BMPR2: variants seen among roughly 807,000 people sequenced by gnomAD.
BMPR2 encodes the protein bone morphogenetic protein receptor type 2, also known as bone morphogenetic protein receptor type-2.
BMPR2 carries 29 observed loss-of-function variants against 100.8 expected under a neutral mutation model. That is an observed-to-expected ratio of 0.29 (90% CI 0.21 to 0.39). BMPR2 has a LOEUF of 0.39. Ranked by LOEUF, BMPR2 falls within the 10% of genes least tolerant of loss-of-function variation. The probability of loss-of-function intolerance (pLI) is 1.00; values close to 1 mark genes in which losing one functional copy is unlikely to be tolerated. For missense variants in BMPR2, 1,011 were observed against 1,274.5 expected, an observed-to-expected ratio of 0.79 and a Z score of 3.15; for synonymous variants, 382 against 442.3, an observed-to-expected ratio of 0.86 and a Z score of 1.71.
chr2:202,418,587 C>A (rs1469459961), intron 1 of BMPR2, among the ~76,000 whole-genome samples: 1 of 152,124 alleles, frequency 6.6e-6, no homozygotes, highest in Non-Finnish European at 1.5e-5. Flanking sequence ...CCAGTCAACA[C>A]ATGTAAGGTG....
intron 1 of BMPR2, among the ~76,000 whole-genome samples, chr2:202,377,961 A>C (rs889074097): frequency 1.3e-5 from 2 of 152,204 alleles, no homozygotes; most frequent in Non-Finnish European, 2.9e-5. Context: ...GCTTATAGTA[A>C]AAAGAACATC....
At chr2:202,511,708 T>G (rs1687628628) in intron 3 of BMPR2, among the ~76,000 whole-genome samples, 1 of 152,098 alleles carries the variant, frequency 6.6e-6, no homozygotes, top group Admixed American at 6.6e-5. Flanking sequence ...ATGATCAATG[T>G]GTTAAAATCT....
chr2:202,557,516 A>AC (rs1559074821), intron 12 of BMPR2, among the ~76,000 whole-genome samples: 13 of 112,498 alleles, frequency 1.2e-4, no homozygotes, highest in South Asian at 2.9e-4. Context: ...CACACACACA[A>AC]ATTAGCTGGG....
In BMPR2 at chr2:202,476,114, T is replaced by C. The variant is rs1051615849; in HGVS notation, c.418+8425T>C. 2.0e-5 allele frequency among the ~76,000 whole-genome samples: 3 copies of C among 146,672 alleles called. No homozygotes were observed. In the Admixed American group the frequency reaches 2.1e-4, roughly 10 times the overall value. ...AAAAAAAAAAAAAAAAAAATCTAAG[T>C]CCCAAGCATGTATGGTGGAATTGAC... On this transcript the variant is annotated intron_variant, in intron 3 of 12. Transcript: ENST00000374580.
intron 1 of BMPR2, 86 bp downstream of exon 1, chr2:202,377,636 C>T (rs750675324): frequency 8.0e-6 from 12 of 1,494,070 alleles, no homozygotes; most frequent in Non-Finnish European, 1.0e-5. Flanking sequence ...CCTGTGCTTG[C>T]CCTTCGCCAT....
chr2:202,424,070 C>CAAAA (rs773518674), intron 1 of BMPR2, among the ~76,000 whole-genome samples: 3 of 58,754 alleles, frequency 5.1e-5, no homozygotes, highest in East Asian at 5.0e-4. Context: ...AAGACTGTCT[C>CAAAA]AAAAAAAAAA....
At chr2:202,502,234 GTTA>G (rs1444030368) in intron 3 of BMPR2, among the ~76,000 whole-genome samples, 1 of 152,190 alleles carries the variant, frequency 6.6e-6, no homozygotes, top group African/African-American at 2.4e-5. Flanking sequence ...AAATTATAGA[GTTA>G]TTGCACACAA....
In BMPR2 at chr2:202,377,227, G is replaced by A. The variant is rs1384966013; in HGVS notation, c.-248G>A. 6.6e-6 allele frequency: 4 copies of A among 605,742 alleles called. No individual in the cohort carries two copies. The highest frequency in any genetic ancestry group is 1.2e-5 in the Non-Finnish European group (4 of 337,270). 37.5% of individuals were successfully genotyped at this position (605,742 alleles called of 1,614,324 possible). ...CCACAGACATGCCTTCCGTTTGGAG[G>A]GCCGCGGCACCCCGTCCGAGGCGAA... is the stretch of plus-strand genomic sequence containing the variant. On this transcript the variant is annotated 5_prime_UTR_variant, in exon 1 of 13. Coordinates refer to ENST00000374580, the MANE Select transcript of BMPR2 (RefSeq NM_001204.7).
intron 3 of BMPR2, among the ~76,000 whole-genome samples, chr2:202,477,424 G>A (rs553644172): frequency 6.6e-6 from 1 of 151,610 alleles, no homozygotes; most frequent in African/African-American, 2.4e-5. Flanking sequence ...TATGATATTT[G>A]TTGTTTCCTA....
Position 202,520,194 on chromosome 2 carries a change from A to G in BMPR2, c.960A>G (p.Pro320=). 6.2e-7 allele frequency: 1 copy of G among 1,608,234 alleles called. No individual in the cohort carries two copies. The highest frequency in any genetic ancestry group is 8.5e-7 in the Non-Finnish European group (1 of 1,174,722). ...RGLAYLHTEL[P]RGDHYKPAIS... ...TGGCTTATCTTCACACAGAATTACC[A>G]CGAGGAGGTAAGATAGTCAATAGAT... The change falls in exon 7 of 13, where the codon CCA becomes CCG. Residue 320 remains proline (P), a synonymous_variant. Coordinates refer to ENST00000374580, the MANE Select transcript of BMPR2 (RefSeq NM_001204.7).
At chr2:202,488,018 C>T (rs1005197208) in intron 3 of BMPR2, among the ~76,000 whole-genome samples, 9 of 152,158 alleles carry the variant, frequency 5.9e-5, no homozygotes, top group African/African-American at 2.2e-4. Flanking sequence ...CTGCGCCCAG[C>T]CTATTTCCAG....
chr2:202,381,919 C>A (rs1177074931), intron 1 of BMPR2, among the ~76,000 whole-genome samples: 2 of 151,470 alleles, frequency 1.3e-5, no homozygotes, highest in Non-Finnish European at 2.9e-5. Context: ...GAATATTGAT[C>A]TCTAATGGGT....
At chr2:202,392,718 C>T (rs773308706) in intron 1 of BMPR2, among the ~76,000 whole-genome samples, 2 of 151,468 alleles carry the variant, frequency 1.3e-5, no homozygotes, top group Admixed American at 6.6e-5. Flanking sequence ...TCTGGCCGGG[C>T]GCGGTGGCTC....
rs138448612 is a variant in BMPR2 at position 202,509,616 on chromosome 2, A to G, written c.419-4103A>G. On this transcript the variant is annotated intron_variant, in intron 3 of 12. Coordinates refer to ENST00000374580, the MANE Select transcript of BMPR2 (RefSeq NM_001204.7). ...CAAATGTACTAATTCTGTGCTTTTT[A>G]TGTACAACTTTTGGTTTTTCAGGTT... Among the ~76,000 whole-genome samples, 542 of 151,954 alleles carry G rather than the reference A, an allele frequency of 3.6e-3. 4 individuals carry two copies. Among genetic ancestry groups the G allele is most frequent in the African/African-American group, 0.012 (511 of 41,568 alleles).
chr2:202,376,511 A>AGGCGGCGGCGGCGGCGGC lies in BMPR2; in HGVS notation c.-945_-928dup, dbSNP rs375624016. Among the ~76,000 whole-genome samples, 125 of 125,852 alleles carry AGGCGGCGGCGGCGGCGGC rather than the reference A, an allele frequency of 9.9e-4. 1 individual carries two copies. The highest frequency in any genetic ancestry group is 3.8e-3 in the Middle Eastern group (1 of 260). The allele number at this position is 125,852 out of a possible 152,430, so 82.6% of individuals were successfully genotyped here. On this transcript the variant is annotated 5_prime_UTR_variant, in exon 1 of 13. Coordinates refer to ENST00000374580, the MANE Select transcript of BMPR2 (RefSeq NM_001204.7). ...AGGAGCCCAGAGCTGCGGGAGAACGAGGCGGCGGCGGCGGCGGCGGCGGCG... is the reference window on the plus strand; with the variant it reads ...AGGAGCCCAGAGCTGCGGGAGAACGAGGCGGCGGCGGCGGCGGCGGCGGCGGCGGCGGCGGCGGCGGCG...
At chr2:202,526,526 T>C (rs932012728) in intron 7 of BMPR2, among the ~76,000 whole-genome samples, 2 of 152,380 alleles carry the variant, frequency 1.3e-5, no homozygotes, top group South Asian at 4.1e-4. Flanking sequence ...AAGTATTGCC[T>C]GTGTCAGCAA....
intron 1 of BMPR2, among the ~76,000 whole-genome samples, chr2:202,458,212 C>T (rs933768464): frequency 1.4e-5 from 2 of 138,936 alleles, no homozygotes; most frequent in Non-Finnish European, 1.5e-5. Flanking sequence ...TTCCGGAGGC[C>T]AAGGCAGGAG....
rs529796261 is a variant in BMPR2, at chr2:202,566,282, C to T, written c.*6336C>T. The T allele has an allele frequency of 2.0e-5, 3 of 152,698 alleles. No individual in the cohort carries two copies. Among genetic ancestry groups the T allele is most frequent in the Admixed American group, 2.0e-4 (3 of 15,296 alleles). 9.5% of individuals were successfully genotyped at this position (152,698 alleles called of 1,614,324 possible). ...CATGTTACTTAAAAACTCAGGGCCC[C>T]TTTCATCCCTTTGTACACTGAAAAA... On this transcript the variant is annotated 3_prime_UTR_variant, in exon 13 of 13. Coordinates refer to ENST00000374580, the MANE Select transcript of BMPR2 (RefSeq NM_001204.7).
In BMPR2 at chr2:202,560,086, G is replaced by A; in HGVS notation, c.*140G>A. The A allele has an allele frequency of 1.8e-6, 2 of 1,093,804 alleles. No homozygotes were observed. The highest frequency in any genetic ancestry group is 2.6e-6 in the Non-Finnish European group (2 of 776,758). The allele number at this position is 1,093,804 out of a possible 1,614,324, so 67.8% of individuals were successfully genotyped here. A position where few individuals can be genotyped will look rare whatever the true frequency, so the allele number is the denominator to read the frequency against. On this transcript the variant is annotated 3_prime_UTR_variant, in exon 13 of 13. Coordinates refer to ENST00000374580, the MANE Select transcript of BMPR2 (RefSeq NM_001204.7). ...CTGCAACAAAGACTTGCTTTAAATA[G>A]ATTTCAGCTATGCAGAAAAATTTAG...
Sources: allele counts gnomAD v4.1 joint callset (sites outside exome capture counted in the v4.1 genomes callset), GRCh38; gene constraint gnomAD v4.1.1; transcripts MANE v1.5; gene names NCBI Gene and HGNC (gene_info 2026-07-23, HGNC 2026-07-21).